The following UST variants were observed in gnomAD, a reference collection of about 807,000 sequenced individuals.
The protein encoded by UST is uronyl 2-sulfotransferase, also known as chondroitin sulfate 2-O-sulfotransferase.
Under a neutral mutation model 45.6 loss-of-function variants are expected in UST, and 21 were observed. The observed-to-expected ratio is 0.46, with a 90% CI of 0.33 to 0.66. The LOEUF is 0.66. Ranked by LOEUF, UST falls within the 30% of genes least tolerant of loss-of-function variation. The pLI, the probability that UST is intolerant of heterozygous loss-of-function variation, is 0.02. For synonymous variants in UST, 215 were observed against 200.6 expected, an observed-to-expected ratio of 1.07 and a Z score of -0.61; for missense variants, 463 against 512.4, an observed-to-expected ratio of 0.90 and a Z score of 0.93.
intron 1 of UST, among the ~76,000 whole-genome samples, chr6:148,771,905 G>A (rs896749319): frequency 1.1e-4 from 17 of 152,164 alleles, no homozygotes; most frequent in Non-Finnish European, 2.2e-4. Flanking sequence ...CTAGCTCATT[G>A]GGAAAGGGTG....
At chr6:148,750,219 T>C (rs1775963853) in intron 1 of UST, among the ~76,000 whole-genome samples, 1 of 152,244 alleles carries the variant, frequency 6.6e-6, no homozygotes, top group Admixed American at 6.5e-5. Flanking sequence ...TATTTCAGTA[T>C]ACTTATACAA....
chr6:148,794,963 G>A (rs983058057), intron 1 of UST, among the ~76,000 whole-genome samples: 2 of 152,072 alleles, frequency 1.3e-5, no homozygotes, highest in East Asian at 1.9e-4. Context: ...TCTTTTCCAC[G>A]TTCTAAGGAA....
intron 1 of UST, among the ~76,000 whole-genome samples, chr6:148,784,468 T>G (rs1776701757): frequency 1.3e-5 from 2 of 152,158 alleles, no homozygotes; most frequent in Admixed American, 1.3e-4. Context: ...CACCAGTGAG[T>G]GAGCTGTGTA....
At chr6:148,885,057 C>A (rs1252560813) in intron 1 of UST, among the ~76,000 whole-genome samples, 1 of 152,062 alleles carries the variant, frequency 6.6e-6, no homozygotes, top group East Asian at 1.9e-4. Context: ...CTTTAGACAT[C>A]CAAGCTGAGG....
intron 1 of UST, among the ~76,000 whole-genome samples, chr6:148,789,843 C>T (rs1776805862): frequency 1.3e-5 from 2 of 152,036 alleles, no homozygotes; most frequent in South Asian, 4.2e-4. Flanking sequence ...AAAGATCCAC[C>T]CGTCTCAGTT....
intron 5 of UST, among the ~76,000 whole-genome samples, chr6:149,011,790 C>T (rs559682211): frequency 2.6e-3 from 390 of 152,186 alleles, no homozygotes; most frequent in African/African-American, 9.0e-3. Context: ...CCAGCCTGGG[C>T]GACAGAGCGA....
chr6:148,869,634 T>C (rs1562283151), intron 1 of UST, among the ~76,000 whole-genome samples: 1 of 152,196 alleles, frequency 6.6e-6, no homozygotes, highest in South Asian at 2.1e-4. Context: ...GACGCTGGCA[T>C]CAAACGCATT....
intron 1 of UST, among the ~76,000 whole-genome samples, chr6:148,866,778 C>T (rs1226897056): frequency 6.6e-6 from 1 of 152,146 alleles, no homozygotes; most frequent in Admixed American, 6.5e-5. Flanking sequence ...GTTTTTGCTT[C>T]AATGCCTCTT....
intron 1 of UST, among the ~76,000 whole-genome samples, chr6:148,763,186 A>G (rs1776253075): frequency 6.6e-6 from 1 of 152,144 alleles, no homozygotes; most frequent in Non-Finnish European, 1.5e-5. Context: ...ACTTTTTAAT[A>G]CTAGTCATTC....
chr6:148,799,276 A>G (rs1427910016), intron 1 of UST, among the ~76,000 whole-genome samples: 2 of 152,230 alleles, frequency 1.3e-5, no homozygotes, highest in Admixed American at 1.3e-4. Flanking sequence ...GTGGTCGCAC[A>G]CTAGAAGACT....
chr6:148,832,727 C>A (rs1005760034), intron 1 of UST, among the ~76,000 whole-genome samples: 1 of 152,116 alleles, frequency 6.6e-6, no homozygotes, highest in South Asian at 2.1e-4. Context: ...GGATACAATA[C>A]CTTATTAGAG....
intron 4 of UST, among the ~76,000 whole-genome samples, chr6:148,963,846 G>GT (rs1780720524): frequency 6.6e-6 from 1 of 152,178 alleles, no homozygotes; most frequent in East Asian, 1.9e-4. Context: ...GTTACATGAG[G>GT]TATTTAGAAC....
chr6:149,030,417 G>A (rs1776122054), intron 7 of UST, among the ~76,000 whole-genome samples: 1 of 151,890 alleles, frequency 6.6e-6, no homozygotes. Context: ...CAAGGCAGGA[G>A]GATCACTTGA....
intron 2 of UST, among the ~76,000 whole-genome samples, chr6:148,917,386 T>C (rs9498176): frequency 0.059 from 9,011 of 152,242 alleles, 312 homozygotes; most frequent in Middle Eastern, 0.1. Flanking sequence ...ATTATCACAG[T>C]CCTTGAACTC....
chr6:148,945,132 G>T (rs1168847959), intron 3 of UST, among the ~76,000 whole-genome samples: 1 of 152,154 alleles, frequency 6.6e-6, no homozygotes, highest in East Asian at 1.9e-4. Flanking sequence ...TGAAACTGAG[G>T]ATTACGTGTT....
intron 4 of UST, chr6:148,958,831 C>T (rs1780583287): frequency 6.6e-6 from 1 of 152,204 alleles, no homozygotes; most frequent in African/African-American, 2.4e-5. Flanking sequence ...CAGGGAAACC[C>T]TTAAGAAGCT....
intron 2 of UST, among the ~76,000 whole-genome samples, chr6:148,915,136 C>A (rs186714616): frequency 7.9e-5 from 12 of 152,258 alleles, no homozygotes; most frequent in Admixed American, 5.9e-4. Context: ...CTTATACTAT[C>A]ACATTAGGGA....
At chr6:148,918,201 A>G (rs1582897422) in intron 2 of UST, among the ~76,000 whole-genome samples, 2 of 152,174 alleles carry the variant, frequency 1.3e-5, no homozygotes, top group African/African-American at 4.8e-5. Flanking sequence ...TCCCAAATCA[A>G]TTGGACTTTG....
At chr6:148,921,571 G>A (rs1266816992) in intron 2 of UST, among the ~76,000 whole-genome samples, 1 of 152,178 alleles carries the variant, frequency 6.6e-6, no homozygotes, top group Non-Finnish European at 1.5e-5. Flanking sequence ...AACAGGTATT[G>A]TGTTAGAATT....
Sources: gnomAD v4.1 joint callset for allele counts (sites outside exome capture counted in the v4.1 genomes callset) on GRCh38, gnomAD v4.1.1 for gene constraint, MANE v1.5 for transcripts, NCBI Gene and HGNC (gene_info 2026-07-23, HGNC 2026-07-21) for gene names.